RPS6KA2: variants seen among roughly 807,000 people sequenced by gnomAD.
The protein encoded by RPS6KA2 is ribosomal protein S6 kinase A2, also known as ribosomal protein S6 kinase alpha-2.
Under a neutral mutation model 91.8 loss-of-function variants are expected in RPS6KA2, and 42 were observed. That is an observed-to-expected ratio of 0.46 (90% CI 0.36 to 0.59). The LOEUF (loss-of-function observed/expected upper bound fraction) is 0.59. Among genes scored for constraint, RPS6KA2 ranks in the 20% least tolerant of loss-of-function variants. The pLI is 0.00. For missense variants in RPS6KA2, 798 were observed against 978.5 expected, an observed-to-expected ratio of 0.82 and a Z score of 2.46; for synonymous variants, 414 against 393.6, an observed-to-expected ratio of 1.05 and a Z score of -0.61.
intron 2 of RPS6KA2, among the ~76,000 whole-genome samples, chr6:166,810,169 C>T (rs1243695229): frequency 6.6e-6 from 1 of 152,160 alleles, no homozygotes; most frequent in Non-Finnish European, 1.5e-5. Flanking sequence ...CTCACTGTCA[C>T]AGCATGAGGG....
intron 2 of RPS6KA2, among the ~76,000 whole-genome samples, chr6:166,824,749 A>G (rs1462524582): frequency 1.5e-3 from 113 of 76,630 alleles, no homozygotes; most frequent in African/African-American, 4.3e-3. Context: ...GTATGTCTGT[A>G]TGTCTGTGTG....
chr6:166,693,386 TA>T (rs1222725560), intron 2 of RPS6KA2, among the ~76,000 whole-genome samples: 1 of 152,244 alleles, frequency 6.6e-6, no homozygotes, highest in Non-Finnish European at 1.5e-5. Flanking sequence ...TCTATTTTTG[TA>T]AGTTTAAAAC....
At chr6:166,631,204 A>G (rs898704224), upstream of RPS6KA2, among the ~76,000 whole-genome samples, 1 of 152,258 alleles carries the variant, frequency 6.6e-6, no homozygotes, top group Non-Finnish European at 1.5e-5. Flanking sequence ...AAATGACAGA[A>G]ATAAAGCTCT....
chr6:166,528,369 T>C (rs1006897708), intron 3 of RPS6KA2, among the ~76,000 whole-genome samples: 174 of 152,144 alleles, frequency 1.1e-3, no homozygotes, highest in African/African-American at 3.9e-3. Context: ...TAGCCATATA[T>C]AGAAAGCTGA....
chr6:166,714,748 C>T (rs1789964067), intron 2 of RPS6KA2, among the ~76,000 whole-genome samples: 2 of 152,266 alleles, frequency 1.3e-5, no homozygotes, highest in Admixed American at 1.3e-4. Context: ...GCCACACCTC[C>T]AACTCGGACT....
intron 1 of RPS6KA2, among the ~76,000 whole-genome samples, chr6:166,858,935 C>T (rs942473511): frequency 1.3e-5 from 2 of 150,910 alleles, no homozygotes; most frequent in African/African-American, 2.4e-5. Flanking sequence ...CCATCAGCAC[C>T]GGCTGCCATG....
At chr6:166,788,707 G>A (rs1778996033) in intron 2 of RPS6KA2, among the ~76,000 whole-genome samples, 1 of 152,136 alleles carries the variant, frequency 6.6e-6, no homozygotes, top group Non-Finnish European at 1.5e-5. Flanking sequence ...CAAGGGGAGG[G>A]AGAGCATCAG....
rs1451727107 is a variant in RPS6KA2 at position 166,490,241 on chromosome 6, C to T, written c.818+430G>A. Among the ~76,000 whole-genome samples, 3 of 152,062 alleles carry T rather than the reference C, an allele frequency of 2.0e-5. No homozygotes were observed. Among genetic ancestry groups the T allele is most frequent in the South Asian group, 4.1e-4 (2 of 4,826 alleles). ...CAGCAGGTGGGGAGGGAAAGGAGAC[C>T]CCTGCTCCTGTGATCTCTCCGGACA... On this transcript the variant is annotated intron_variant, in intron 9 of 20. Transcript: ENST00000265678. The surrounding 1 kb of genome is among the most constrained non-coding windows in gnomAD (Gnocchi z 4.2).
intron 1 of RPS6KA2, among the ~76,000 whole-genome samples, chr6:166,607,461 A>G (rs1785994913): frequency 6.6e-6 from 1 of 152,208 alleles, no homozygotes; most frequent in African/African-American, 2.4e-5. Flanking sequence ...CAATAGAGAG[A>G]AATACCTGCT....
exon 2 of RPS6KA2, chr6:166,858,222 G>A (rs781097306): frequency 3.9e-5 from 61 of 1,546,872 alleles, no homozygotes; most frequent in Non-Finnish European, 5.4e-5. Context: ...GTCTTCTGTG[G>A]TGGGCTCCAC....
chr6:166,485,617 AT>A (rs1332392339), intron 10 of RPS6KA2, among the ~76,000 whole-genome samples: 1 of 152,190 alleles, frequency 6.6e-6, no homozygotes, highest in African/African-American at 2.4e-5. Context: ...ACCGCGATGC[AT>A]TGGCTTAGCT....
At chr6:166,601,032 G>A (rs1340959211) in intron 1 of RPS6KA2, among the ~76,000 whole-genome samples, 1 of 152,218 alleles carries the variant, frequency 6.6e-6, no homozygotes, top group East Asian at 1.9e-4. Context: ...GATGAAGGAA[G>A]AATTAGAAGT....
intron 1 of RPS6KA2, among the ~76,000 whole-genome samples, chr6:166,620,725 G>A (rs963391495): frequency 6.6e-6 from 1 of 152,250 alleles, no homozygotes; most frequent in African/African-American, 2.4e-5. Flanking sequence ...GATGCCAAGT[G>A]CAAGCTGTCC....
At chr6:166,793,592 G>C (rs1369386568) in intron 2 of RPS6KA2, among the ~76,000 whole-genome samples, 1 of 150,952 alleles carries the variant, frequency 6.6e-6, no homozygotes, top group Non-Finnish European at 1.5e-5. Flanking sequence ...CACGTTACCT[G>C]ACTTCAAACT....
At position 166,737,462 on chromosome 6, in the gene RPS6KA2, A is replaced by G. The variant is rs142779374; in HGVS notation, c.123+120738T>C. Among the ~76,000 whole-genome samples the G allele has an allele frequency of 1.2e-3, 176 of 152,340 alleles. No individual in the cohort carries two copies. The highest frequency in any genetic ancestry group is 3.8e-3 in the African/African-American group (157 of 41,580). On this transcript the variant is annotated intron_variant, in intron 2 of 21. Transcript: ENST00000503859. This position sits in a 1 kb window ranked among gnomAD's most constrained non-coding sequence, Gnocchi z 4.3. ...ATGACGCACGCCTTACTCATTTATA[A>G]TCAGCATCAAGCAGACAGTGAAAAA... is the stretch of plus-strand genomic sequence containing the variant.
intron 2 of RPS6KA2, among the ~76,000 whole-genome samples, chr6:166,641,754 A>AAAAAAAAAAAT: frequency 2.1e-5 from 3 of 144,384 alleles, no homozygotes; most frequent in Non-Finnish European, 4.5e-5. Flanking sequence ...AAAAAAAAAA[A>AAAAAAAAAAAT]AAAAAAAAAA....
intron 1 of RPS6KA2, among the ~76,000 whole-genome samples, chr6:166,581,823 G>A (rs1785019782): frequency 7.1e-6 from 1 of 141,570 alleles, no homozygotes; most frequent in African/African-American, 2.7e-5. Flanking sequence ...GAGGGCACAG[G>A]AAGAGGGTGA....
At chr6:166,501,931 A>C (rs939737899) in intron 6 of RPS6KA2, among the ~76,000 whole-genome samples, 2 of 152,362 alleles carry the variant, frequency 1.3e-5, no homozygotes, top group African/African-American at 2.4e-5. Context: ...AGGAGCCCGG[A>C]GGACATTATG....
chr6:166,663,495 G>C (rs763380902), intron 2 of RPS6KA2, among the ~76,000 whole-genome samples: 13 of 152,230 alleles, frequency 8.5e-5, no homozygotes, highest in Non-Finnish European at 1.6e-4. Flanking sequence ...CAGGGAAGAT[G>C]CTACTCTGTG....
Sources: gnomAD v4.1 joint callset for allele counts (sites outside exome capture counted in the v4.1 genomes callset) on GRCh38, gnomAD v4.1.1 for gene constraint, Gnocchi (gnomAD v3.1) non-coding constraint, MANE v1.5 for transcripts, NCBI Gene and HGNC (gene_info 2026-07-23, HGNC 2026-07-21) for gene names.